Variants in PRKAR2A observed in about 807,000 individuals in gnomAD.
The protein encoded by PRKAR2A is protein kinase cAMP-dependent type II regulatory subunit alpha.
In PRKAR2A, 29 loss-of-function variants were observed where a neutral mutation model predicts 51.9. The ratio of observed to expected loss-of-function variants is 0.56; its 90% CI spans 0.42 to 0.76. PRKAR2A has a LOEUF of 0.76. PRKAR2A is among the 30% of genes least tolerant of loss of function. The pLI, the probability that PRKAR2A is intolerant of heterozygous loss-of-function variation, is 0.00. For synonymous variants in PRKAR2A, 178 were observed against 186.2 expected (o/e 0.96, Z 0.36); for missense variants, 445 against 512.1 (o/e 0.87, Z 1.26).
intron 1 of PRKAR2A, among the ~76,000 whole-genome samples, chr3:48,821,378 AT>A (rs1164161240): frequency 6.6e-6 from 1 of 152,148 alleles, no homozygotes; most frequent in Non-Finnish European, 1.5e-5. Flanking sequence ...AGCTATTGCT[AT>A]TTTTCCTGTT....
chr3:48,841,890 T>A (rs553051588), intron 1 of PRKAR2A, among the ~76,000 whole-genome samples: 1 of 152,302 alleles, frequency 6.6e-6, no homozygotes, highest in East Asian at 1.9e-4. Context: ...TAAATACCAA[T>A]AAAATAGGGT....
chr3:48,768,817 C>T (rs2081978771), intron 6 of PRKAR2A, among the ~76,000 whole-genome samples: 1 of 151,484 alleles, frequency 6.6e-6, no homozygotes, highest in South Asian at 2.1e-4. Context: ...AACAATATTT[C>T]GGCTGGGCGC....
At chr3:48,818,376 T>C (rs1211850172) in intron 1 of PRKAR2A, among the ~76,000 whole-genome samples, 1 of 152,254 alleles carries the variant, frequency 6.6e-6, no homozygotes, top group African/African-American at 2.4e-5. Context: ...CATTCATTTT[T>C]AATATCTGAC....
intron 6 of PRKAR2A, among the ~76,000 whole-genome samples, chr3:48,768,330 T>C (rs532421345): frequency 6.0e-5 from 9 of 150,622 alleles, no homozygotes; most frequent in African/African-American, 2.2e-4. Flanking sequence ...GATAGATAGA[T>C]AGATAGATAG....
At position 48,815,058 on chromosome 3, in the gene PRKAR2A, C is replaced by T. The variant is rs570809682; in HGVS notation, c.263-7374G>A. Among the ~76,000 whole-genome samples the T allele has an allele frequency of 1.5e-4, 23 of 152,136 alleles. 1 individual carries two copies. The South Asian group carries it at 3.3e-3, about 22-fold the overall frequency. On this transcript the variant is annotated intron_variant, in intron 1 of 10. Transcript: ENST00000265563. ...TCCCAAGTAGCTGGGAAACTACAGG[C>T]GCCCACCACCACACCTGGCTAATTT...
chr3:48,828,304 A>G (rs756967932), intron 1 of PRKAR2A, among the ~76,000 whole-genome samples: 6 of 152,092 alleles, frequency 3.9e-5, no homozygotes, highest in African/African-American at 1.2e-4. Flanking sequence ...GGCTCAAGCA[A>G]TTCTCTTGCT....
intron 2 of PRKAR2A, among the ~76,000 whole-genome samples, 169 bp downstream of exon 2, chr3:48,807,480 C>T (rs1220082702): frequency 6.6e-6 from 1 of 152,094 alleles, no homozygotes; most frequent in Non-Finnish European, 1.5e-5. Flanking sequence ...TACGTACATA[C>T]ATACTCAGAA....
Position 48,749,985 on chromosome 3 carries a change from C to T in PRKAR2A, c.*1600G>A, listed in dbSNP as rs985599458. Reference sequence around the variant, plus strand: ...TCACAGCTCACTGTTGCCTTGACCTCCTGGGCTCAAGTGATCCTTCCACCT... The same window carrying T: ...TCACAGCTCACTGTTGCCTTGACCTTCTGGGCTCAAGTGATCCTTCCACCT... On this transcript the variant is annotated 3_prime_UTR_variant, in exon 11 of 11. Transcript: ENST00000265563. 2 of 151,650 alleles carry T rather than the reference C, an allele frequency of 1.3e-5. No individual in the cohort carries two copies. The highest frequency in any genetic ancestry group is 2.9e-5 in the Non-Finnish European group (2 of 67,996). The allele number at this position is 151,650 out of a possible 1,614,324, so 9.4% of individuals were successfully genotyped here. A position where few individuals can be genotyped will look rare whatever the true frequency, so the allele number is the denominator to read the frequency against.
At chr3:48,830,400 T>C (rs1210358037) in intron 1 of PRKAR2A, among the ~76,000 whole-genome samples, 1 of 152,164 alleles carries the variant, frequency 6.6e-6, no homozygotes, top group African/African-American at 2.4e-5. Flanking sequence ...TTACAATGAA[T>C]TCTTCTGGAA....
chr3:48,777,735 A>C (rs780201100), intron 5 of PRKAR2A, among the ~76,000 whole-genome samples: 47 of 151,998 alleles, frequency 3.1e-4, no homozygotes, highest in Admixed American at 2.6e-4. Context: ...AATTTCCTAC[A>C]AAGAACTTCC....
chr3:48,842,136 G>GT (rs2083390805), intron 1 of PRKAR2A, among the ~76,000 whole-genome samples: 1 of 152,148 alleles, frequency 6.6e-6, no homozygotes, highest in Non-Finnish European at 1.5e-5. Context: ...CACGTCCCTT[G>GT]TAAGTTGGAT....
At chr3:48,817,466 A>C (rs1278592052) in intron 1 of PRKAR2A, among the ~76,000 whole-genome samples, 1 of 151,870 alleles carries the variant, frequency 6.6e-6, no homozygotes, top group African/African-American at 2.4e-5. Context: ...AGCCTGGCCA[A>C]CATGGTGAAA....
chr3:48,764,738 C>T (rs2081912587), intron 8 of PRKAR2A, among the ~76,000 whole-genome samples: 1 of 152,152 alleles, frequency 6.6e-6, no homozygotes, highest in Admixed American at 6.5e-5. Context: ...AATTCTCCCG[C>T]CTCAGCCTCC....
chr3:48,835,374 G>C (rs1326111732), intron 1 of PRKAR2A, among the ~76,000 whole-genome samples: 1 of 152,006 alleles, frequency 6.6e-6, no homozygotes, highest in African/African-American at 2.4e-5. Flanking sequence ...GGTTGCTGTG[G>C]CTCACGCTTC....
chr3:48,752,135 T>A lies in PRKAR2A; in HGVS notation c.1081+41A>T, dbSNP rs2081657883. 5 of 1,593,468 alleles carry A rather than the reference T, an allele frequency of 3.1e-6. No homozygotes were observed. The African/African-American group carries it at 6.8e-5, about 22-fold the overall frequency. On this transcript the variant is annotated intron_variant, in intron 10 of 10. Coordinates refer to ENST00000265563, the MANE Select transcript of PRKAR2A (RefSeq NM_004157.4). ...TTGCTGATGGGAAAAAAATATTACATGTTAGAAAAAGAATATTAATGCATA... is the reference window on the plus strand; with the variant it reads ...TTGCTGATGGGAAAAAAATATTACAAGTTAGAAAAAGAATATTAATGCATA...
At chr3:48,840,328 C>G (rs1013396030) in intron 1 of PRKAR2A, among the ~76,000 whole-genome samples, 2 of 151,652 alleles carry the variant, frequency 1.3e-5, no homozygotes, top group Non-Finnish European at 2.9e-5. Flanking sequence ...AACCCCGTCT[C>G]TACTAAAAAT....
At chr3:48,793,642 T>C (rs1445246655) in intron 3 of PRKAR2A, among the ~76,000 whole-genome samples, 1 of 151,708 alleles carries the variant, frequency 6.6e-6, no homozygotes, top group African/African-American at 2.4e-5. Flanking sequence ...TACAGGCACA[T>C]GCCACCAAAC....
intron 1 of PRKAR2A, among the ~76,000 whole-genome samples, chr3:48,816,618 CAG>C (rs1214754728): frequency 6.6e-6 from 1 of 151,942 alleles, no homozygotes; most frequent in Non-Finnish European, 1.5e-5. Context: ...AGCCTTGCGA[CAG>C]AGAGAGACTC....
intron 6 of PRKAR2A, among the ~76,000 whole-genome samples, chr3:48,768,918 G>A (rs1178737912): frequency 6.6e-6 from 1 of 151,878 alleles, no homozygotes; most frequent in East Asian, 2.0e-4. Flanking sequence ...AGCCAACATG[G>A]TGAATTCCCA....
Sources: gnomAD v4.1 joint callset for allele counts (sites outside exome capture counted in the v4.1 genomes callset) on GRCh38, gnomAD v4.1.1 for gene constraint, MANE v1.5 for transcripts, NCBI Gene and HGNC (gene_info 2026-07-23, HGNC 2026-07-21) for gene names.